Variants in FMN2 observed in about 807,000 individuals in gnomAD.
FMN2 encodes the protein formin 2, also known as formin-2.
Under a neutral mutation model 142.3 loss-of-function variants are expected in FMN2, and 51 were observed. That is an observed-to-expected ratio of 0.36 (90% CI 0.29 to 0.45). The LOEUF (loss-of-function observed/expected upper bound fraction) is 0.45, where lower values mean the gene tolerates loss of function less well. Among genes scored for constraint, FMN2 ranks in the 20% least tolerant of loss-of-function variants. The pLI, the probability that FMN2 is intolerant of heterozygous loss-of-function variation, is 1.00. For synonymous variants in FMN2, 882 were observed against 869.8 expected, an observed-to-expected ratio of 1.01 and a Z score of -0.25; for missense variants, 1,936 against 2,122.8, an observed-to-expected ratio of 0.91 and a Z score of 1.73.
intron 1 of FMN2, among the ~76,000 whole-genome samples, chr1:240,116,497 A>G (rs1386150425): frequency 1.3e-5 from 2 of 152,174 alleles, no homozygotes; most frequent in East Asian, 3.9e-4. Flanking sequence ...GTTAGAGAAA[A>G]TAGGGGAAGG....
At chr1:240,403,798 G>GA (rs1674064575) in intron 15 of FMN2, among the ~76,000 whole-genome samples, 1 of 152,116 alleles carries the variant, frequency 6.6e-6, no homozygotes, top group Non-Finnish European at 1.5e-5. Flanking sequence ...GGACTGTATA[G>GA]TTTAAAAATG....
intron 6 of FMN2, among the ~76,000 whole-genome samples, chr1:240,251,151 A>G (rs907751297): frequency 1.3e-5 from 2 of 151,528 alleles, no homozygotes; most frequent in Admixed American, 1.3e-4. Flanking sequence ...TGGTTCCTTG[A>G]TATACACTGT....
intron 6 of FMN2, among the ~76,000 whole-genome samples, chr1:240,220,867 G>GC (rs566045877): frequency 1.3e-5 from 2 of 151,600 alleles, no homozygotes; most frequent in African/African-American, 2.4e-5. Flanking sequence ...CCCTCCTCCA[G>GC]CCCCCCCACC....
At chr1:240,326,505 T>A (rs924598874) in intron 8 of FMN2, among the ~76,000 whole-genome samples, 2 of 152,216 alleles carry the variant, frequency 1.3e-5, no homozygotes, top group African/African-American at 4.8e-5. Context: ...TGATTTACTT[T>A]AGCCATCTTT....
At chr1:240,390,440 C>T (rs1051686299) in intron 14 of FMN2, among the ~76,000 whole-genome samples, 4 of 152,126 alleles carry the variant, frequency 2.6e-5, no homozygotes, top group African/African-American at 7.2e-5. Flanking sequence ...ACAGCTGTTT[C>T]GGTGAACATC....
At chr1:240,102,439 A>C (rs1446239281) in intron 1 of FMN2, among the ~76,000 whole-genome samples, 3 of 152,198 alleles carry the variant, frequency 2.0e-5, no homozygotes, top group Non-Finnish European at 4.4e-5. Context: ...ATAATCTTTG[A>C]AACTCATTTT....
At chr1:240,221,278 T>C (rs1667101029) in intron 6 of FMN2, among the ~76,000 whole-genome samples, 1 of 152,188 alleles carries the variant, frequency 6.6e-6, no homozygotes, top group African/African-American at 2.4e-5. Flanking sequence ...TTCTAGATCC[T>C]TGAGGAATCA....
At chr1:240,442,812 A>T (rs896212532) in intron 16 of FMN2, among the ~76,000 whole-genome samples, 3 of 152,164 alleles carry the variant, frequency 2.0e-5, no homozygotes, top group Non-Finnish European at 2.9e-5. Flanking sequence ...TCCGTGTCGG[A>T]TAGGGCTTCT....
intron 13 of FMN2, among the ~76,000 whole-genome samples, chr1:240,341,638 A>C (rs1236705106): frequency 6.6e-6 from 1 of 152,214 alleles, no homozygotes; most frequent in East Asian, 1.9e-4. Context: ...GAGACCTTCT[A>C]TCAGTGAATG....
intron 14 of FMN2, among the ~76,000 whole-genome samples, chr1:240,361,139 G>GTATATATATATATA (rs1444875541): frequency 2.1e-4 from 2 of 9,546 alleles, no homozygotes; most frequent in Non-Finnish European, 3.5e-4. Flanking sequence ...ATAAATATAT[G>GTATATATATATATA]TGTATATATA....
At chr1:240,442,399 CAAGAG>C (rs1675654151) in intron 16 of FMN2, among the ~76,000 whole-genome samples, 1 of 152,188 alleles carries the variant, frequency 6.6e-6, no homozygotes, top group Non-Finnish European at 1.5e-5. Context: ...GATCCTGAAG[CAAGAG>C]AAGAGTGTTA....
chr1:240,148,971 C>CAAAAAT (rs1663643613), intron 2 of FMN2, among the ~76,000 whole-genome samples: 1 of 143,848 alleles, frequency 7.0e-6, no homozygotes, highest in South Asian at 2.2e-4. Flanking sequence ...GACTCCGTCT[C>CAAAAAT]AAAAAAAAAT....
intron 8 of FMN2, among the ~76,000 whole-genome samples, chr1:240,313,632 T>A (rs1462464703): frequency 1.3e-5 from 2 of 152,068 alleles, no homozygotes; most frequent in Admixed American, 1.3e-4. Context: ...CCTTAAAATA[T>A]GATATAAGAT....
intron 15 of FMN2, among the ~76,000 whole-genome samples, chr1:240,418,585 TC>T (rs1674659871): frequency 1.3e-5 from 2 of 152,234 alleles, no homozygotes; most frequent in African/African-American, 4.8e-5. Context: ...TCCATTTCTT[TC>T]TTAATTACAT....
rs76834671 is a variant in FMN2 at position 240,460,195 on chromosome 1, A to C, written c.5061-12177A>C. On this transcript the variant is annotated intron_variant, in intron 16 of 17. Transcript: ENST00000319653. ...AGTTCAAAATTTATCCAATTATTCA[A>C]TAGAACTTCTCCTCTGTATTTGCTA... is the stretch of plus-strand genomic sequence containing the variant. Among the ~76,000 whole-genome samples, 524 of 152,332 alleles carry C rather than the reference A, an allele frequency of 3.4e-3. 6 individuals carry two copies. The highest frequency in any genetic ancestry group is 0.012 in the African/African-American group (497 of 41,566).
At position 240,208,203 on chromosome 1, in the gene FMN2, C is replaced by T. The variant is rs780802321; in HGVS notation, c.3391C>T (p.Pro1131Ser). Residue 1131 changes from proline (P) to serine (S), a missense_variant, in exon 5 of 18, where the codon CCT becomes TCT. Physicochemically the swap from Pro to Ser is moderately conservative, Grantham distance 74 (BLOSUM62 -1). This residue lies in a region of FMN2 where 56 missense variants were observed against 111.8 expected (regional missense o/e 0.50). Coordinates refer to ENST00000319653, the MANE Select transcript of FMN2 (RefSeq NM_020066.5). ...PPPLPGAGIP[P>S]PPPLPGAGIP... ...CCCTCTACCCGGAGCGGGCATACCC[C>T]CTCCTCCCCCTCTTCCCGGAGCGGG... The T allele has an allele frequency of 1.9e-6, 2 of 1,062,704 alleles. No homozygotes were observed. The highest frequency in any genetic ancestry group is 2.2e-5 in the Admixed American group (1 of 45,624). The allele number at this position is 1,062,704 out of a possible 1,614,324, so 65.8% of individuals were successfully genotyped here. A position where few individuals can be genotyped will look rare whatever the true frequency, so the allele number is the denominator to read the frequency against.
At chr1:240,218,929 C>T (rs1418491144) in intron 6 of FMN2, among the ~76,000 whole-genome samples, 6 of 151,986 alleles carry the variant, frequency 3.9e-5, no homozygotes, top group Non-Finnish European at 8.8e-5. Flanking sequence ...TGTGGGTGGT[C>T]AGAAGTAGAA....
intron 6 of FMN2, among the ~76,000 whole-genome samples, chr1:240,256,023 G>C (rs905620631): frequency 6.6e-6 from 1 of 152,174 alleles, no homozygotes; most frequent in East Asian, 1.9e-4. Flanking sequence ...TACTACAAGG[G>C]TGTGATCAAC....
At chr1:240,359,914 C>A (rs80243504) in intron 14 of FMN2, among the ~76,000 whole-genome samples, 2 of 152,156 alleles carry the variant, frequency 1.3e-5, no homozygotes, top group African/African-American at 4.8e-5. Flanking sequence ...TCTTGCCGTA[C>A]CCCTGTACCT....
Sources: gnomAD v4.1 joint callset for allele counts (sites outside exome capture counted in the v4.1 genomes callset) on GRCh38, gnomAD v4.1.1 for gene constraint, gnomAD v4.1.1 regional missense constraint, MANE v1.5 for transcripts, NCBI Gene and HGNC (gene_info 2026-07-23, HGNC 2026-07-21) for gene names.